Variants in LRRIQ4 observed in about 807,000 individuals in gnomAD.
LRRIQ4 encodes leucine-rich repeat and IQ domain-containing protein 4.
Under a neutral mutation model 40.1 loss-of-function variants are expected in LRRIQ4, and 21 were observed. That is an observed-to-expected ratio of 0.52 (90% CI 0.37 to 0.75). LRRIQ4 has a LOEUF of 0.75. LRRIQ4 is among the 30% of genes least tolerant of loss of function. The probability of loss-of-function intolerance (pLI) is 0.00; values close to 1 mark genes in which losing one functional copy is unlikely to be tolerated. For synonymous variants in LRRIQ4, 277 were observed against 277.1 expected, an observed-to-expected ratio of 1.00 and a Z score of 0.00; for missense variants, 655 against 660.0, an observed-to-expected ratio of 0.99 and a Z score of 0.08.
At chr3:169,825,008 CTT>C (rs10575036) in intron 2 of LRRIQ4, among the ~76,000 whole-genome samples, 59,302 of 133,428 alleles carry the variant, frequency 0.44, 12,824 homozygotes, top group East Asian at 0.7. Context: ...TTTTAAAAAT[CTT>C]TTTTTTTTTT....
chr3:169,815,547 T>G (rs566318969), intron 1 of LRRIQ4, among the ~76,000 whole-genome samples: 1 of 152,340 alleles, frequency 6.6e-6, no homozygotes, highest in South Asian at 2.1e-4. Context: ...GGTGGAGTCT[T>G]AAGGATTTTC....
chr3:169,821,925 T>C lies in LRRIQ4; in HGVS notation c.4T>C (p.Ser2Pro). 1 of 1,457,240 alleles carries C rather than the reference T, an allele frequency of 6.9e-7. No homozygotes were observed. Among genetic ancestry groups the C allele is most frequent in the South Asian group, 1.6e-5 (1 of 61,134 alleles). The allele number at this position is 1,457,240 out of a possible 1,614,324, so 90.3% of individuals were successfully genotyped here. A position where few individuals can be genotyped will look rare whatever the true frequency, so the allele number is the denominator to read the frequency against. The change falls in exon 2 of 6, where the codon TCA (serine) becomes CCA (proline). Residue 2 changes from serine to proline, a missense_variant. Physicochemically the swap from Ser to Pro is moderately conservative, Grantham distance 74. Transcript: ENST00000340806. ...ATTTGAGCTTTTCTTCACAATAATG[T>C]CAAAAGACATAAAATCAGTAGAACA... M[S>P]KDIKSVEHSP... is the part of the protein sequence containing the mutation.
intron 1 of LRRIQ4, among the ~76,000 whole-genome samples, chr3:169,815,194 G>A (rs954951221): frequency 6.6e-6 from 1 of 152,046 alleles, no homozygotes; most frequent in African/African-American, 2.4e-5. Flanking sequence ...ATTTTGATAG[G>A]AATTGTATAT....
chr3:169,822,219 G>C lies in LRRIQ4; in HGVS notation c.298G>C (p.Asp100His). The C allele has an allele frequency of 6.2e-7, 1 of 1,603,522 alleles. No individual in the cohort carries two copies. The change falls in exon 2 of 6, where the codon GAC becomes CAC. Residue 100 changes from aspartate to histidine, a missense_variant. Transcript: ENST00000340806. ...GCTGCTGAGCAGCCTGGAGAGCCTG[G>C]ACCTGAGCTACAACCCCATCTTCTC... is the stretch of plus-strand genomic sequence containing the variant. ...LGLLSSLESL[D>H]LSYNPIFSSS...
Position 169,822,323 on chromosome 3 carries a change from C to G in LRRIQ4, c.402C>G (p.Pro134=), listed in dbSNP as rs377497941. The G allele has an allele frequency of 1.2e-6, 2 of 1,613,766 alleles. No individual in the cohort carries two copies. The highest frequency in any genetic ancestry group is 1.3e-5 in the African/African-American group (1 of 74,920). The stretch of plus-strand genomic sequence containing the variant: ...ACCAGACCGACCTGAAGGAAATTCC[C>G]GTCGTCATCTTTAAAAACCTCCACC... ...RLYQTDLKEI[P]VVIFKNLHHL... is the part of the protein sequence containing the mutation. Residue 134 remains proline, a synonymous_variant, in exon 2 of 6, where the codon CCC becomes CCG. Transcript: ENST00000340806.
rs750864248 is a variant in LRRIQ4 at position 169,831,440 on chromosome 3, A to ATT, written c.1333+852_1333+853dup. Among the ~76,000 whole-genome samples the ATT allele has an allele frequency of 2.2e-3, 66 of 29,426 alleles. 16 individuals are homozygous for ATT. The highest frequency in any genetic ancestry group is 2.8e-3 in the African/African-American group (22 of 7,804). The allele number at this position is 29,426 out of a possible 152,430, so 19.3% of individuals were successfully genotyped here. ...AGGCGCCCGCCACCACGCCCGGCTA[A>ATT]TTTTTTTTTTTTTTTTTTTTTTTTT... is the stretch of plus-strand genomic sequence containing the variant. On this transcript the variant is annotated intron_variant, in intron 4 of 5. Transcript: ENST00000340806.
intron 2 of LRRIQ4, among the ~76,000 whole-genome samples, chr3:169,823,152 G>A (rs1399948180): frequency 6.6e-6 from 1 of 152,134 alleles, no homozygotes; most frequent in Non-Finnish European, 1.5e-5. Flanking sequence ...TTTAGAGGGT[G>A]TATGTGCCAG....
At chr3:169,827,606 CAAAAAA>C (rs59524627) in intron 2 of LRRIQ4, among the ~76,000 whole-genome samples, 3 of 77,524 alleles carry the variant, frequency 3.9e-5, no homozygotes, top group Non-Finnish European at 7.3e-5. Flanking sequence ...GACTCCGTCT[CAAAAAA>C]AAAAAAAAAA....
intron 2 of LRRIQ4, among the ~76,000 whole-genome samples, chr3:169,827,930 C>T (rs919673857): frequency 1.3e-5 from 2 of 152,118 alleles, no homozygotes; most frequent in Admixed American, 1.3e-4. Flanking sequence ...TTACACAAGC[C>T]TGGGTATTCA....
intron 1 of LRRIQ4, among the ~76,000 whole-genome samples, chr3:169,817,205 G>T (rs1411696615): frequency 6.6e-6 from 1 of 151,934 alleles, no homozygotes; most frequent in Non-Finnish European, 1.5e-5. Flanking sequence ...GGTCATTCAG[G>T]AGCATGTTGT....
At chr3:169,821,815 T>C in intron 1 of LRRIQ4, 76 bp from the exon 2 acceptor site, 1 of 752,566 alleles carries the variant, frequency 1.3e-6, no homozygotes, top group Non-Finnish European at 1.9e-6. Context: ...TAGGTTTTAA[T>C]TTTATTTTTC....
At chr3:169,829,768 C>T (rs566203941) in intron 3 of LRRIQ4, among the ~76,000 whole-genome samples, 158 of 152,230 alleles carry the variant, frequency 1.0e-3, no homozygotes, top group African/African-American at 3.6e-3. Flanking sequence ...CCCAAAGTGC[C>T]GGGATTATAG....
chr3:169,818,975 A>G (rs995778091), intron 1 of LRRIQ4, among the ~76,000 whole-genome samples: 1 of 152,230 alleles, frequency 6.6e-6, no homozygotes, highest in Admixed American at 6.5e-5. Context: ...AGGGCTGATT[A>G]GTTTCTTAAA....
Position 169,814,501 on chromosome 3 carries a change from T to TTTGTTTGTTTGTTTGTTTG in LRRIQ4, c.-32+1458_-32+1459insTTTGTTTGTTTGTTTGTTG, listed in dbSNP as rs1560607379. 8.1e-3 allele frequency among the ~76,000 whole-genome samples: 1,189 copies of TTTGTTTGTTTGTTTGTTTG among 146,400 alleles called. 18 individuals are homozygous for TTTGTTTGTTTGTTTGTTTG. The highest frequency in any genetic ancestry group is 0.028 in the African/African-American group (1,124 of 39,678). Reference sequence around the variant, plus strand: ...GGGGTGTTTGTTTGTTTGTTTGTTTTTTGAGACAGAGTCTCGCTCTGTGGT... The same window carrying TTTGTTTGTTTGTTTGTTTG: ...GGGGTGTTTGTTTGTTTGTTTGTTTTTTGTTTGTTTGTTTGTTTGTTGAGACAGAGTCTCGCTCTGTGGT... On this transcript the variant is annotated intron_variant, in intron 1 of 5. Transcript: ENST00000340806.
chr3:169,837,194 C>T (rs2108189674), intron 5 of LRRIQ4, among the ~76,000 whole-genome samples: 1 of 152,340 alleles, frequency 6.6e-6, no homozygotes, highest in Non-Finnish European at 1.5e-5. Flanking sequence ...TGTACTGTCT[C>T]TTCCTCACTG....
intron 1 of LRRIQ4, among the ~76,000 whole-genome samples, chr3:169,817,614 G>A (rs1434715685): frequency 6.6e-6 from 1 of 152,178 alleles, no homozygotes; most frequent in Non-Finnish European, 1.5e-5. Context: ...GTGATCCAGT[G>A]TTGGGTGCAT....
chr3:169,836,719 G>A (rs1560617218), intron 5 of LRRIQ4, among the ~76,000 whole-genome samples: 1 of 152,196 alleles, frequency 6.6e-6, no homozygotes, highest in East Asian at 1.9e-4. Flanking sequence ...AATCCTTGAA[G>A]CAGCGGAGGG....
intron 2 of LRRIQ4, among the ~76,000 whole-genome samples, chr3:169,824,166 G>A (rs978728592): frequency 3.3e-5 from 5 of 151,872 alleles, no homozygotes; most frequent in African/African-American, 1.2e-4. Context: ...ATATTGACTG[G>A]AAGAAAACTA....
In LRRIQ4 at chr3:169,837,658, T is replaced by G; in HGVS notation, c.*27T>G. On this transcript the variant is annotated 3_prime_UTR_variant, in exon 6 of 6. Transcript: ENST00000340806. ...CCTGTAAATTGATAAATTGGGGTAA[T>G]GGACCTTGATAGATTAAGAAGACAA... The G allele has an allele frequency of 1.3e-6, 2 of 1,520,680 alleles. No individual in the cohort carries two copies. Among genetic ancestry groups the G allele is most frequent in the East Asian group, 2.4e-5 (1 of 41,742 alleles). 94.2% of individuals were successfully genotyped at this position (1,520,680 alleles called of 1,614,324 possible).
Sources: gnomAD v4.1 joint callset for allele counts (sites outside exome capture counted in the v4.1 genomes callset) on GRCh38, gnomAD v4.1.1 for gene constraint, MANE v1.5 for transcripts, NCBI Gene and HGNC (gene_info 2026-07-23, HGNC 2026-07-21) for gene names.